The following GSTCD variants were observed in gnomAD, a reference collection of about 807,000 sequenced individuals.
GSTCD encodes glutathione S-transferase C-terminal domain-containing protein.
Under a neutral mutation model 68.3 loss-of-function variants are expected in GSTCD, and 44 were observed. That is an observed-to-expected ratio of 0.64 (90% confidence interval 0.51 to 0.83). The LOEUF (loss-of-function observed/expected upper bound fraction) is 0.83. Among genes scored for constraint, GSTCD ranks in the 40% least tolerant of loss-of-function variants. The probability of loss-of-function intolerance (pLI) is 0.00; values close to 1 mark genes in which losing one functional copy is unlikely to be tolerated. For missense variants in GSTCD, 739 were observed against 735.9 expected, an observed-to-expected ratio of 1.00 and a Z score of -0.05; for synonymous variants, 273 against 255.2, an observed-to-expected ratio of 1.07 and a Z score of -0.67.
chr4:105,744,989 C>CTA lies in GSTCD; in HGVS notation c.1240+15498_1240+15499dup, dbSNP rs1733753758. ...ACATCTATATCTTTTATCCATCTAT[C>CTA]TATATATATGTATACTAAAAATCAT... On this transcript the variant is annotated intron_variant, in intron 5 of 11. Coordinates refer to ENST00000515279, the MANE Select transcript of GSTCD (RefSeq NM_001370181.1). Among the ~76,000 whole-genome samples, 3 of 152,122 alleles carry CTA rather than the reference C, an allele frequency of 2.0e-5. No individual in the cohort carries two copies. In the South Asian group the frequency reaches 6.2e-4, roughly 32 times the overall value.
At chr4:105,762,445 T>A (rs1328451595) in intron 5 of GSTCD, among the ~76,000 whole-genome samples, 2 of 152,210 alleles carry the variant, frequency 1.3e-5, no homozygotes, top group East Asian at 3.8e-4. Flanking sequence ...AAATGGAAAA[T>A]GATTCCTGGG....
At chr4:105,797,689 G>A (rs964711655) in intron 5 of GSTCD, among the ~76,000 whole-genome samples, 7 of 150,584 alleles carry the variant, frequency 4.6e-5, no homozygotes, top group Non-Finnish European at 8.8e-5. Context: ...TGCATGGATT[G>A]ACTCTTCCTT....
chr4:105,753,687 T>G (rs1004485554), intron 5 of GSTCD, among the ~76,000 whole-genome samples: 4 of 152,044 alleles, frequency 2.6e-5, no homozygotes, highest in African/African-American at 9.7e-5. Context: ...TTTTAGTATC[T>G]GTGGGAGGTC....
chr4:105,756,713 G>A (rs1431270590), intron 5 of GSTCD, among the ~76,000 whole-genome samples: 1 of 151,914 alleles, frequency 6.6e-6, no homozygotes, highest in African/African-American at 2.4e-5. Context: ...CAGAGAGCAG[G>A]TTAAATTGAA....
chr4:105,719,408 C>T lies in GSTCD; in HGVS notation c.775C>T (p.Pro259Ser). ...QEEPATTNRE[P>S]SHIRKAKASD... is the part of the protein sequence containing the mutation. ...AGAACCAGCTACTACCAACAGAGAGCCTTCTCACATCAGAAAAGCAAAAGC... is the reference window on the plus strand; with the variant it reads ...AGAACCAGCTACTACCAACAGAGAGTCTTCTCACATCAGAAAAGCAAAAGC... The change falls in exon 3 of 12, where the codon CCT (proline) becomes TCT (serine). Residue 259 changes from proline to serine, a missense_variant. Pro to Ser is a moderately conservative substitution (Grantham distance 74). Coordinates refer to ENST00000515279, the MANE Select transcript of GSTCD (RefSeq NM_001370181.1). The T allele has an allele frequency of 2.5e-6, 4 of 1,614,080 alleles. No homozygotes were observed. Among genetic ancestry groups the T allele is most frequent in the Non-Finnish European group, 3.4e-6 (4 of 1,179,966 alleles).
At chr4:105,733,351 G>T (rs547867934) in intron 5 of GSTCD, among the ~76,000 whole-genome samples, 1 of 152,218 alleles carries the variant, frequency 6.6e-6, no homozygotes, top group African/African-American at 2.4e-5. Flanking sequence ...CTAAGGACTT[G>T]CTTTATGAAT....
At chr4:105,758,697 C>T (rs1054810603) in intron 5 of GSTCD, among the ~76,000 whole-genome samples, 2 of 152,000 alleles carry the variant, frequency 1.3e-5, no homozygotes, top group South Asian at 2.1e-4. Context: ...TCTGGAAGGG[C>T]GATAATAGGG....
At chr4:105,844,253 G>A (rs956250764) in intron 11 of GSTCD, among the ~76,000 whole-genome samples, 1 of 152,014 alleles carries the variant, frequency 6.6e-6, no homozygotes, top group African/African-American at 2.4e-5. Flanking sequence ...ATGTCTTAAA[G>A]GAAAGACAAT....
At position 105,835,768 on chromosome 4, in the gene GSTCD, C is replaced by T. The variant is rs569184434; in HGVS notation, c.1664+1174C>T. Among the ~76,000 whole-genome samples, 29 of 152,188 alleles carry T rather than the reference C, an allele frequency of 1.9e-4. No individual in the cohort carries two copies. The South Asian group carries it at 3.7e-3, about 20-fold the overall frequency. On this transcript the variant is annotated intron_variant, in intron 9 of 11. Coordinates refer to ENST00000515279, the MANE Select transcript of GSTCD (RefSeq NM_001370181.1). ...CAGGTCCTGAGTTCTTGTCCCAAAT[C>T]GAGGAAGAATGAGGTACACAGACAA...
chr4:105,825,294 T>C (rs1723541720), intron 7 of GSTCD, among the ~76,000 whole-genome samples: 1 of 152,132 alleles, frequency 6.6e-6, no homozygotes, highest in African/African-American at 2.4e-5. Flanking sequence ...TATGCCCGGC[T>C]AATTTTTGTA....
chr4:105,819,525 C>G (rs906503121), intron 5 of GSTCD, among the ~76,000 whole-genome samples: 1 of 151,718 alleles, frequency 6.6e-6, no homozygotes, highest in African/African-American at 2.4e-5. Context: ...AAGTAGGTAT[C>G]TTACTTATTG....
chr4:105,844,083 A>C (rs1288346764), intron 11 of GSTCD, among the ~76,000 whole-genome samples: 1 of 152,214 alleles, frequency 6.6e-6, no homozygotes, highest in Non-Finnish European at 1.5e-5. Context: ...AAATTCTTCT[A>C]CATAATGGAA....
Position 105,818,352 on chromosome 4 carries a change from G to A in GSTCD, c.1241-4602G>A, listed in dbSNP as rs193286964. Among the ~76,000 whole-genome samples the A allele has an allele frequency of 4.9e-3, 743 of 151,912 alleles. 27 individuals are homozygous for A. Among genetic ancestry groups the A allele is most frequent in the Admixed American group, 0.044 (670 of 15,208 alleles). On this transcript the variant is annotated intron_variant, in intron 5 of 11. Coordinates refer to ENST00000515279, the MANE Select transcript of GSTCD (RefSeq NM_001370181.1). ...TCATTCTGGAATAAGGAAAGGTGAT[G>A]GGATTCCTAAAGTTTTAAAGCAAGG...
chr4:105,803,336 A>G (rs1736179416), intron 5 of GSTCD, among the ~76,000 whole-genome samples: 5 of 152,108 alleles, frequency 3.3e-5, no homozygotes. Flanking sequence ...GATAGCATCA[A>G]GAAGTTCTTG....
rs571275341 is a variant in GSTCD at position 105,725,476 on chromosome 4, T to A, written c.895-1103T>A. On this transcript the variant is annotated intron_variant, in intron 3 of 11. Transcript: ENST00000515279. ...CAGCAGTAAATGAGAGTTCCTGTTG[T>A]TCCACATGCGCACCATCATTTGGAG... Among the ~76,000 whole-genome samples, 10 of 152,264 alleles carry A rather than the reference T, an allele frequency of 6.6e-5. No homozygotes were observed. In the South Asian group the frequency reaches 2.1e-3, roughly 32 times the overall value.
chr4:105,772,274 GT>G (rs1471106680), intron 5 of GSTCD, among the ~76,000 whole-genome samples: 2 of 152,152 alleles, frequency 1.3e-5, no homozygotes, highest in African/African-American at 2.4e-5. Flanking sequence ...AGACAATGGG[GT>G]TTTCTAAATA....
At chr4:105,738,934 C>G (rs1160724101) in intron 5 of GSTCD, among the ~76,000 whole-genome samples, 1 of 152,158 alleles carries the variant, frequency 6.6e-6, no homozygotes, top group African/African-American at 2.4e-5. Context: ...AGAGGAAAAG[C>G]TTTCAGTTTT....
rs192710473 is a variant in GSTCD, at chr4:105,797,143, A to T, written c.1241-25811A>T. ...CAAGTTTGTCAGTATAGGCTCACAG[A>T]CACCAGGATTTAATAGTCATACCTA... On this transcript the variant is annotated intron_variant, in intron 5 of 11. Coordinates refer to ENST00000515279, the MANE Select transcript of GSTCD (RefSeq NM_001370181.1). Among the ~76,000 whole-genome samples, 456 of 151,968 alleles carry T rather than the reference A, an allele frequency of 3.0e-3. 3 individuals are homozygous for T. Among genetic ancestry groups the T allele is most frequent in the African/African-American group, 0.01 (425 of 41,410 alleles).
chr4:105,789,888 C>T (rs1735599267), intron 5 of GSTCD, among the ~76,000 whole-genome samples: 1 of 151,306 alleles, frequency 6.6e-6, no homozygotes, highest in South Asian at 2.1e-4. Context: ...CCTGATCTCT[C>T]AATTCTCAGT....
Sources: allele counts gnomAD v4.1 joint callset (sites outside exome capture counted in the v4.1 genomes callset), GRCh38; gene constraint gnomAD v4.1.1; transcripts MANE v1.5; gene names NCBI Gene and HGNC (gene_info 2026-07-23, HGNC 2026-07-21).